NRG3: variants seen among roughly 807,000 people sequenced by gnomAD.
NRG3 encodes neuregulin 3.
NRG3 carries 31 observed loss-of-function variants against 66.9 expected under a neutral mutation model. That is an observed-to-expected ratio of 0.46 (90% confidence interval 0.35 to 0.63). The LOEUF is 0.63. Ranked by LOEUF, NRG3 falls within the 20% of genes least tolerant of loss-of-function variation. The pLI, the probability that NRG3 is intolerant of heterozygous loss-of-function variation, is 0.00. For missense variants in NRG3, 910 were observed against 878.9 expected (o/e 1.04, Z -0.45); for synonymous variants, 393 against 359.4 (o/e 1.09, Z -1.06).
intron 1 of NRG3, among the ~76,000 whole-genome samples, chr10:82,249,867 C>T (rs1321386771): frequency 2.0e-5 from 3 of 152,184 alleles, no homozygotes; most frequent in Non-Finnish European, 4.4e-5. Context: ...TCACTTGATT[C>T]GTTTTTGTCA....
intron 1 of NRG3, among the ~76,000 whole-genome samples, chr10:81,981,350 A>C (rs1349183308): frequency 6.6e-6 from 1 of 152,232 alleles, no homozygotes; most frequent in Non-Finnish European, 1.5e-5. Flanking sequence ...GAAGAAAGGA[A>C]TCATAGATCC....
At chr10:82,468,915 C>T (rs1465524346) in intron 2 of NRG3, among the ~76,000 whole-genome samples, 1 of 151,890 alleles carries the variant, frequency 6.6e-6, no homozygotes. Context: ...AAATCAGTGA[C>T]AATGGGAGAA....
chr10:82,336,726 T>G (rs908015692), intron 1 of NRG3, among the ~76,000 whole-genome samples: 1 of 152,110 alleles, frequency 6.6e-6, no homozygotes, highest in Non-Finnish European at 1.5e-5. Flanking sequence ...TTTTGCCATG[T>G]TGGCCAGGCT....
At chr10:82,414,860 G>A (rs903691001) in intron 2 of NRG3, among the ~76,000 whole-genome samples, 1 of 152,136 alleles carries the variant, frequency 6.6e-6, no homozygotes, top group Non-Finnish European at 1.5e-5. Flanking sequence ...AAGGATTCTT[G>A]TATTACAGTC....
In NRG3 at chr10:82,350,519, T is replaced by C. The variant is rs140791993; in HGVS notation, c.824-8220T>C. Among the ~76,000 whole-genome samples, 339 of 152,340 alleles carry C rather than the reference T, an allele frequency of 2.2e-3. 6 individuals carry two copies. The East Asian group carries it at 0.042, about 19-fold the overall frequency. On this transcript the variant is annotated intron_variant, in intron 1 of 8. Coordinates refer to ENST00000372141, the MANE Select transcript of NRG3 (RefSeq NM_001010848.4). ...TGAACAGGAAGTGTGCCTGGAGCTC[T>C]GAATACTTTCAGCCACTTCTAACCT...
At chr10:82,839,438 C>T (rs982243684) in intron 3 of NRG3, among the ~76,000 whole-genome samples, 1 of 151,674 alleles carries the variant, frequency 6.6e-6, no homozygotes, top group Admixed American at 6.6e-5. Flanking sequence ...TTTATAATCT[C>T]AATATATGTT....
At chr10:82,755,837 A>T (rs1433123004) in intron 3 of NRG3, among the ~76,000 whole-genome samples, 1 of 152,146 alleles carries the variant, frequency 6.6e-6, no homozygotes, top group Admixed American at 6.6e-5. Flanking sequence ...ACATTTTTCT[A>T]ATCTTCCTGT....
intron 2 of NRG3, among the ~76,000 whole-genome samples, chr10:82,436,192 A>G (rs1411958678): frequency 6.6e-6 from 1 of 152,128 alleles, no homozygotes; most frequent in Non-Finnish European, 1.5e-5. Flanking sequence ...GTAGGTGTCT[A>G]AGAACTTGTT....
intron 3 of NRG3, among the ~76,000 whole-genome samples, chr10:82,836,712 TA>T (rs1350278697): frequency 2.0e-5 from 3 of 151,782 alleles, no homozygotes; most frequent in Non-Finnish European, 4.4e-5. Flanking sequence ...TATTTTATTT[TA>T]TTTTTTTATT....
chr10:82,497,014 T>C (rs1590351662), intron 2 of NRG3, among the ~76,000 whole-genome samples: 2 of 152,292 alleles, frequency 1.3e-5, no homozygotes, highest in East Asian at 3.9e-4. Context: ...TTGCTGTCTC[T>C]CTCAGTTACA....
chr10:82,972,799 T>C (rs1851890479), intron 6 of NRG3, among the ~76,000 whole-genome samples: 1 of 152,116 alleles, frequency 6.6e-6, no homozygotes, highest in Admixed American at 6.6e-5. Flanking sequence ...AGATGTGAGA[T>C]TCAAAAAGGT....
chr10:82,976,374 A>G (rs1852256110), intron 7 of NRG3, among the ~76,000 whole-genome samples: 1 of 152,140 alleles, frequency 6.6e-6, no homozygotes, highest in Non-Finnish European at 1.5e-5. Flanking sequence ...TATAAAAAGC[A>G]TGTATGTAGG....
chr10:82,086,288 T>C (rs1456385635), intron 1 of NRG3, among the ~76,000 whole-genome samples: 2 of 152,128 alleles, frequency 1.3e-5, no homozygotes, highest in Non-Finnish European at 1.5e-5. Flanking sequence ...AAGTAAGTTA[T>C]CCATATTTTA....
intron 1 of NRG3, among the ~76,000 whole-genome samples, chr10:81,884,448 G>T (rs1465696042): frequency 2.0e-5 from 3 of 152,154 alleles, no homozygotes; most frequent in Non-Finnish European, 4.4e-5. Flanking sequence ...TTGTTGATAT[G>T]TAATTGATAT....
chr10:82,370,336 A>G (rs2084799790), intron 2 of NRG3, among the ~76,000 whole-genome samples: 1 of 137,732 alleles, frequency 7.3e-6, no homozygotes, highest in Non-Finnish European at 1.5e-5. Flanking sequence ...CCCAGTGGCC[A>G]GCCTCCTCCA....
chr10:82,081,468 G>T (rs2065389893), intron 1 of NRG3, among the ~76,000 whole-genome samples: 1 of 151,972 alleles, frequency 6.6e-6, no homozygotes, highest in Admixed American at 6.6e-5. Context: ...TTCTTTAACT[G>T]CCGCAATCTG....
chr10:82,970,093 T>C, intron 6 of NRG3, among the ~76,000 whole-genome samples: 1 of 152,164 alleles, frequency 6.6e-6, no homozygotes, highest in East Asian at 1.9e-4. Context: ...TTATGGACAA[T>C]TGTGCTGCTG....
At chr10:82,979,154 G>T in intron 8 of NRG3, 34 bp downstream of exon 8, 1 of 1,605,176 alleles carries the variant, frequency 6.2e-7, no homozygotes, top group Non-Finnish European at 8.5e-7. Flanking sequence ...ATTTAGGGAG[G>T]GTGTCTTTAA....
At chr10:82,209,449 G>A (rs1039129324) in intron 1 of NRG3, among the ~76,000 whole-genome samples, 1 of 152,096 alleles carries the variant, frequency 6.6e-6, no homozygotes, top group African/African-American at 2.4e-5. Context: ...AACTGTCAAT[G>A]ATCATCTATG....
Sources: gnomAD v4.1 joint callset for allele counts (sites outside exome capture counted in the v4.1 genomes callset) on GRCh38, gnomAD v4.1.1 for gene constraint, MANE v1.5 for transcripts, NCBI Gene and HGNC (gene_info 2026-07-23, HGNC 2026-07-21) for gene names.